SHISA9: variants seen among roughly 807,000 people sequenced by gnomAD.
The protein encoded by SHISA9 is protein shisa-9.
A neutral mutation model predicts 38.0 loss-of-function variants in SHISA9; 13 were observed. The observed-to-expected ratio is 0.34, with a 90% CI of 0.22 to 0.54. SHISA9 has a LOEUF of 0.54. SHISA9 is among the 20% of genes least tolerant of loss of function. The pLI is 0.91. For missense variants in SHISA9, 538 were observed against 575.8 expected, an observed-to-expected ratio of 0.93 and a Z score of 0.67; for synonymous variants, 275 against 242.0, an observed-to-expected ratio of 1.14 and a Z score of -1.27.
intron 2 of SHISA9, among the ~76,000 whole-genome samples, chr16:12,990,236 G>A (rs1373622811): frequency 2.6e-5 from 4 of 152,220 alleles, no homozygotes; most frequent in Non-Finnish European, 5.9e-5. Flanking sequence ...TAGTGCAGCA[G>A]TGAACATACA....
At chr16:13,405,735 T>A in the SHISA9 span, among the ~76,000 whole-genome samples, 19 of 152,192 alleles carry the variant, frequency 1.2e-4, no homozygotes, top group African/African-American at 4.3e-4. Flanking sequence ...TTTGGTTTTC[T>A]GTTCCTGTTT....
chr16:13,436,485 A>G, the SHISA9 span, among the ~76,000 whole-genome samples: 2 of 152,230 alleles, frequency 1.3e-5, no homozygotes, highest in East Asian at 3.8e-4. Flanking sequence ...AAACTCATCA[A>G]TAATCTACCC....
the SHISA9 span, among the ~76,000 whole-genome samples, chr16:13,319,701 T>C: frequency 6.6e-6 from 1 of 151,950 alleles, no homozygotes; most frequent in Non-Finnish European, 1.5e-5. Context: ...AGTCCTGAGC[T>C]TGCAGAGGAG....
At chr16:13,008,356 C>G (rs537440562) in intron 2 of SHISA9, among the ~76,000 whole-genome samples, 1 of 152,220 alleles carries the variant, frequency 6.6e-6, no homozygotes, top group Admixed American at 6.5e-5. Context: ...CAAAATAAAC[C>G]ATTGCACTCG....
At chr16:12,905,027 C>A (rs2071074136) in intron 1 of SHISA9, among the ~76,000 whole-genome samples, 1 of 152,004 alleles carries the variant, frequency 6.6e-6, no homozygotes, top group African/African-American at 2.4e-5. Flanking sequence ...TGCATCTGCA[C>A]CTTGAAAAGC....
chr16:13,256,124 C>T, the SHISA9 span, among the ~76,000 whole-genome samples: 1 of 152,218 alleles, frequency 6.6e-6, no homozygotes, highest in African/African-American at 2.4e-5. Flanking sequence ...CCTGTTTCCT[C>T]TGCCAGAATA....
chr16:12,952,986 C>G (rs992537511), intron 2 of SHISA9, among the ~76,000 whole-genome samples: 4 of 151,962 alleles, frequency 2.6e-5, no homozygotes, highest in African/African-American at 9.7e-5. Context: ...GACTTACATG[C>G]TAATGGGGAA....
At chr16:13,423,413 C>T in the SHISA9 span, among the ~76,000 whole-genome samples, 1 of 152,144 alleles carries the variant, frequency 6.6e-6, no homozygotes, top group Non-Finnish European at 1.5e-5. Flanking sequence ...TCTACCTTAT[C>T]CCCCAAAGTT....
At chr16:13,381,751 A>G in the SHISA9 span, among the ~76,000 whole-genome samples, 1 of 152,212 alleles carries the variant, frequency 6.6e-6, no homozygotes, top group South Asian at 2.1e-4. Context: ...GTATAGAAGA[A>G]ATAGCAAGAA....
chr16:13,257,190 T>A, the SHISA9 span, among the ~76,000 whole-genome samples: 1 of 152,186 alleles, frequency 6.6e-6, no homozygotes, highest in Non-Finnish European at 1.5e-5. Flanking sequence ...TAAGGAACCA[T>A]CCCAGGACAA....
At chr16:13,510,864 G>A in the SHISA9 span, among the ~76,000 whole-genome samples, 2 of 151,872 alleles carry the variant, frequency 1.3e-5, no homozygotes, top group African/African-American at 2.4e-5. Context: ...TGTCATCTAC[G>A]TACTTTAGCT....
intron 4 of SHISA9, among the ~76,000 whole-genome samples, chr16:13,219,335 C>G (rs976883489): frequency 2.0e-5 from 3 of 152,112 alleles, no homozygotes; most frequent in African/African-American, 4.8e-5. Context: ...TTAAATGAAA[C>G]TGGGCATAGT....
the SHISA9 span, among the ~76,000 whole-genome samples, chr16:13,367,712 G>GCGCGCGCACGCGCACACA: frequency 9.6e-6 from 1 of 104,640 alleles, no homozygotes; most frequent in African/African-American, 3.5e-5. Context: ...GCGCGCGCGC[G>GCGCGCGCACGCGCACACA]CACACACACA....
intron 2 of SHISA9, among the ~76,000 whole-genome samples, chr16:13,060,194 A>C (rs2073357812): frequency 1.3e-5 from 2 of 152,160 alleles, no homozygotes; most frequent in African/African-American, 4.8e-5. Flanking sequence ...CCGATGTGCC[A>C]CATTATTGAA....
intron 2 of SHISA9, among the ~76,000 whole-genome samples, chr16:13,028,590 A>T (rs920672349): frequency 1.3e-5 from 2 of 152,100 alleles, no homozygotes; most frequent in African/African-American, 4.8e-5. Context: ...CCATGATTCA[A>T]TTATCTCCTA....
At chr16:13,068,872 T>TGCGC (rs2073467177) in intron 2 of SHISA9, among the ~76,000 whole-genome samples, 4 of 152,084 alleles carry the variant, frequency 2.6e-5, no homozygotes, top group African/African-American at 9.7e-5. Context: ...GCAATGTGTG[T>TGCGC]ATGTGTATTC....
intron 2 of SHISA9, among the ~76,000 whole-genome samples, chr16:13,187,084 T>G (rs2050831683): frequency 1.3e-5 from 2 of 152,212 alleles, no homozygotes; most frequent in Non-Finnish European, 2.9e-5. Context: ...TTGGTTGACC[T>G]CTGTTTCACA....
intron 1 of SHISA9, among the ~76,000 whole-genome samples, chr16:12,905,156 ACT>A (rs572571006): frequency 1.2e-4 from 18 of 152,122 alleles, no homozygotes; most frequent in South Asian, 1.0e-3. Context: ...GCAAGTAAAC[ACT>A]CTCTCATTTA....
the SHISA9 span, among the ~76,000 whole-genome samples, chr16:13,525,742 A>C: frequency 9.0e-3 from 1,379 of 152,394 alleles, 22 homozygotes; most frequent in African/African-American, 0.032. Flanking sequence ...ATGCATTAAA[A>C]TAACTATTAA....
Sources: gnomAD v4.1 joint callset for allele counts (sites outside exome capture counted in the v4.1 genomes callset) on GRCh38, gnomAD v4.1.1 for gene constraint, MANE v1.5 for transcripts, NCBI Gene and HGNC (gene_info 2026-07-23, HGNC 2026-07-21) for gene names.